Variants in TMC1 observed in about 807,000 individuals in gnomAD.
The protein encoded by TMC1 is transmembrane channel like 1, also known as transmembrane channel-like protein 1.
A neutral mutation model predicts 105.8 loss-of-function variants in TMC1; 84 were observed. That is an observed-to-expected ratio of 0.79 (90% CI 0.67 to 0.95). The LOEUF is 0.95. Ranked by LOEUF, TMC1 falls within the 40% of genes least tolerant of loss-of-function variation. The pLI is 0.00. For synonymous variants in TMC1, 315 were observed against 311.5 expected (o/e 1.01, Z -0.12); for missense variants, 817 against 914.1 (o/e 0.89, Z 1.37).
At chr9:72,741,271 G>T in intron 9 of TMC1, 1 of 222,138 alleles carries the variant, frequency 4.5e-6, no homozygotes, top group Non-Finnish European at 8.9e-6. Flanking sequence ...TCTTGATGAA[G>T]TTGACTAATT....
chr9:72,616,729 G>A (rs1346440145), intron 3 of TMC1, among the ~76,000 whole-genome samples: 1 of 151,760 alleles, frequency 6.6e-6, no homozygotes, highest in Admixed American at 6.6e-5. Context: ...ATGGAGGAAA[G>A]CAGTTGGAAA....
chr9:72,617,908 GGTGT>G (rs58657161), intron 3 of TMC1, among the ~76,000 whole-genome samples: 21,792 of 144,194 alleles, frequency 0.15, 2,011 homozygotes, highest in East Asian at 0.34. Context: ...GTCTATGTGT[GGTGT>G]GTGTGTGTGT....
intron 19 of TMC1, among the ~76,000 whole-genome samples, chr9:72,818,398 A>G (rs987304908): frequency 6.6e-6 from 1 of 152,212 alleles, no homozygotes; most frequent in African/African-American, 2.4e-5. Flanking sequence ...TGAAATACAC[A>G]TGATAGTTTC....
intron 4 of TMC1, among the ~76,000 whole-genome samples, chr9:72,637,369 A>G (rs1466734302): frequency 2.6e-5 from 4 of 152,020 alleles, no homozygotes; most frequent in Admixed American, 2.6e-4. Context: ...ATAATCCAAG[A>G]AGTCTGAATC....
intron 8 of TMC1, among the ~76,000 whole-genome samples, chr9:72,732,936 G>A (rs1663738): frequency 0.23 from 34,736 of 152,018 alleles, 4,288 homozygotes; most frequent in East Asian, 0.39. Flanking sequence ...TCTTGCTGCC[G>A]TCACTGTTGC....
rs984903995 is a variant in TMC1 at position 72,700,745 on chromosome 9, C to T, written c.362+102C>T. 6.8e-3 allele frequency: 847 copies of T among 124,512 alleles called. 10 individuals carry two copies. Among genetic ancestry groups the T allele is most frequent in the African/African-American group, 0.043 (665 of 15,532 alleles). 7.7% of individuals were successfully genotyped at this position (124,512 alleles called of 1,614,324 possible). A position where few individuals can be genotyped will look rare whatever the true frequency, so the allele number is the denominator to read the frequency against. Reference sequence around the variant, plus strand: ...ATATATATATATATATATATATATACACACACACACACACATACACACACA... The same window carrying T: ...ATATATATATATATATATATATATATACACACACACACACATACACACACA... On this transcript the variant is annotated intron_variant, in intron 8 of 23. Transcript: ENST00000297784.
At chr9:72,761,306 G>A (rs947379395) in intron 12 of TMC1, among the ~76,000 whole-genome samples, 1 of 152,164 alleles carries the variant, frequency 6.6e-6, no homozygotes, top group African/African-American at 2.4e-5. Context: ...ATATTCTTGT[G>A]AGGAGAAAGA....
At chr9:72,671,296 G>C (rs68073952) in intron 5 of TMC1, among the ~76,000 whole-genome samples, 7,772 of 152,244 alleles carry the variant, frequency 0.051, 239 homozygotes, top group Non-Finnish European at 0.062. Context: ...TTTTCTCTGG[G>C]TATAGGGAGG....
chr9:72,592,070 A>T (rs1047728638), intron 2 of TMC1, among the ~76,000 whole-genome samples: 2 of 152,128 alleles, frequency 1.3e-5, no homozygotes, highest in Admixed American at 1.3e-4. Flanking sequence ...TCACTGATCG[A>T]GCAAAAAAAC....
At chr9:72,670,635 T>A (rs1826114295) in intron 5 of TMC1, among the ~76,000 whole-genome samples, 1 of 152,164 alleles carries the variant, frequency 6.6e-6, no homozygotes, top group African/African-American at 2.4e-5. Flanking sequence ...GAGCTAATTA[T>A]AACTGCCAAC....
intron 23 of TMC1, among the ~76,000 whole-genome samples, chr9:72,833,143 A>G (rs1184829905): frequency 6.6e-6 from 1 of 152,116 alleles, no homozygotes; most frequent in Non-Finnish European, 1.5e-5. Context: ...CATTCTACCT[A>G]TGTAGTTATA....
chr9:72,533,786 C>T (rs1213323064), intron 1 of TMC1, among the ~76,000 whole-genome samples: 1 of 152,148 alleles, frequency 6.6e-6, no homozygotes, highest in Non-Finnish European at 1.5e-5. Context: ...CTTCCTCTCT[C>T]TCTTTTCTCT....
chr9:72,553,032 G>A (rs1430052059), intron 1 of TMC1, among the ~76,000 whole-genome samples: 1 of 151,924 alleles, frequency 6.6e-6, no homozygotes, highest in African/African-American at 2.4e-5. Flanking sequence ...GGAGTGCAAC[G>A]GCATGATCTC....
At chr9:72,633,697 C>A (rs1825486553) in intron 4 of TMC1, among the ~76,000 whole-genome samples, 1 of 152,192 alleles carries the variant, frequency 6.6e-6, no homozygotes, top group South Asian at 2.1e-4. Context: ...AAAAAAAATT[C>A]TCTACATGAA....
chr9:72,759,812 T>C (rs1330494422), intron 12 of TMC1, among the ~76,000 whole-genome samples: 1 of 152,210 alleles, frequency 6.6e-6, no homozygotes. Flanking sequence ...TTCAGGGTCT[T>C]ATAGTTGTTA....
intron 5 of TMC1, among the ~76,000 whole-genome samples, chr9:72,649,774 G>A (rs76926848): frequency 5.3e-4 from 81 of 152,262 alleles, no homozygotes; most frequent in African/African-American, 1.9e-3. Context: ...ATGGAAGATG[G>A]TAGATTTCAA....
chr9:72,548,346 G>A lies in TMC1; in HGVS notation c.-428+26433G>A, dbSNP rs375534410. Among the ~76,000 whole-genome samples the A allele has an allele frequency of 3.5e-4, 54 of 152,180 alleles. No homozygotes were observed. In the East Asian group the frequency reaches 9.5e-3, roughly 27 times the overall value. On this transcript the variant is annotated intron_variant, in intron 1 of 23. Coordinates refer to ENST00000297784, the MANE Select transcript of TMC1 (RefSeq NM_138691.3). ...CAGCACTTTGGGAGGCCAAGGTGGGGTGGATCACGAGGCCAGGAGTTTCAA... is the reference window on the plus strand; with the variant it reads ...CAGCACTTTGGGAGGCCAAGGTGGGATGGATCACGAGGCCAGGAGTTTCAA...
At chr9:72,555,872 T>C (rs945681445) in intron 1 of TMC1, among the ~76,000 whole-genome samples, 1 of 147,462 alleles carries the variant, frequency 6.8e-6, no homozygotes, top group Admixed American at 7.0e-5. Flanking sequence ...CCACCCACCT[T>C]GACCACCCAA....
chr9:72,652,321 G>A (rs773140368), intron 5 of TMC1, among the ~76,000 whole-genome samples: 4 of 152,120 alleles, frequency 2.6e-5, no homozygotes, highest in Non-Finnish European at 4.4e-5. Flanking sequence ...GGTGGATGTT[G>A]GTGATACTGA....
Sources: gnomAD v4.1 joint callset for allele counts (sites outside exome capture counted in the v4.1 genomes callset) on GRCh38, gnomAD v4.1.1 for gene constraint, MANE v1.5 for transcripts, NCBI Gene and HGNC (gene_info 2026-07-23, HGNC 2026-07-21) for gene names.